Variants in ITCH observed in about 807,000 individuals in gnomAD.
ITCH encodes the protein itchy E3 ubiquitin protein ligase, also known as E3 ubiquitin-protein ligase Itchy homolog.
In ITCH, 28 loss-of-function variants were observed where a neutral mutation model predicts 126.8. The observed-to-expected ratio is 0.22, with a 90% CI of 0.16 to 0.30. ITCH has a LOEUF of 0.30. Ranked by LOEUF, ITCH falls within the 10% of genes least tolerant of loss-of-function variation. The pLI is 1.00. For synonymous variants in ITCH, 342 were observed against 340.0 expected, an observed-to-expected ratio of 1.01 and a Z score of -0.06; for missense variants, 631 against 1,032.4, an observed-to-expected ratio of 0.61 and a Z score of 5.33.
intron 10 of ITCH, among the ~76,000 whole-genome samples, chr20:34,444,729 C>T (rs958308296): frequency 2.0e-5 from 3 of 152,208 alleles, no homozygotes; most frequent in African/African-American, 7.2e-5. Context: ...GCAGCCCCCA[C>T]CTCATAGGTT....
At chr20:34,388,238 T>C (rs1191775559) in intron 2 of ITCH, among the ~76,000 whole-genome samples, 1 of 152,040 alleles carries the variant, frequency 6.6e-6, no homozygotes. Flanking sequence ...GCTGGGACTA[T>C]AGGCATGCAC....
chr20:34,489,195 T>G, intron 20 of ITCH, 71 bp from the exon 21 acceptor site: 1 of 1,344,952 alleles, frequency 7.4e-7, no homozygotes, highest in Non-Finnish European at 1.0e-6. Flanking sequence ...TTTTTAAAAT[T>G]TATTTTTATA....
chr20:34,480,988 A>T, intron 19 of ITCH, 78 bp from the exon 20 acceptor site: 1 of 1,385,376 alleles, frequency 7.2e-7, no homozygotes, highest in African/African-American at 1.4e-5. Context: ...ATTTAAGAAC[A>T]TGGGCCTTTC....
intron 23 of ITCH, among the ~76,000 whole-genome samples, chr20:34,494,314 G>C (rs546188310): frequency 3.3e-5 from 5 of 152,306 alleles, no homozygotes; most frequent in Admixed American, 3.3e-4. Flanking sequence ...ATAGTATACT[G>C]TCTGAGAAGC....
At chr20:34,490,567 T>C (rs980210591) in intron 22 of ITCH, among the ~76,000 whole-genome samples, 4 of 152,148 alleles carry the variant, frequency 2.6e-5, no homozygotes, top group African/African-American at 9.7e-5. Flanking sequence ...CACTTGAACC[T>C]GGAAGGCAGA....
At chr20:34,437,680 T>G (rs1279227727) in intron 7 of ITCH, among the ~76,000 whole-genome samples, 2 of 152,188 alleles carry the variant, frequency 1.3e-5, no homozygotes, top group African/African-American at 4.8e-5. Context: ...GGGTTAGTAC[T>G]GTGTAGTGGT....
intron 3 of ITCH, among the ~76,000 whole-genome samples, chr20:34,407,648 A>G (rs1298678885): frequency 3.3e-5 from 5 of 152,098 alleles, no homozygotes; most frequent in East Asian, 1.9e-4. Context: ...TGTGCTTGCT[A>G]TACTTTCCCT....
intron 22 of ITCH, among the ~76,000 whole-genome samples, 165 bp downstream of exon 22, chr20:34,490,091 A>C (rs1383252694): frequency 2.0e-5 from 3 of 152,222 alleles, no homozygotes; most frequent in African/African-American, 4.8e-5. Context: ...TCCTTTTAAG[A>C]CTATTGCCAA....
chr20:34,452,256 G>T lies in ITCH; in HGVS notation c.1210+2776G>T, dbSNP rs961515077. Among the ~76,000 whole-genome samples, 4 of 152,050 alleles carry T rather than the reference G, an allele frequency of 2.6e-5. No individual in the cohort carries two copies. In the East Asian group the frequency reaches 7.7e-4, roughly 29 times the overall value. The stretch of plus-strand genomic sequence containing the variant: ...AAGTCTTTCCTGCAAGTTGGTCCTT[G>T]CCTTCTGTATTCATCATTTTCTTTA... On this transcript the variant is annotated intron_variant, in intron 12 of 24. Transcript: ENST00000374864.
rs928648344 is a variant in ITCH at position 34,477,645 on chromosome 20, C to G, written c.1570-127C>G. The stretch of plus-strand genomic sequence containing the variant: ...TTCTGTATGTGTGGTTTTGACTAGA[C>G]CATGAACACCTTTCTGTGTCATGGG... On this transcript the variant is annotated intron_variant, in intron 16 of 24. Coordinates refer to ENST00000374864, the MANE Select transcript of ITCH (RefSeq NM_031483.7). 3.9e-6 allele frequency: 3 copies of G among 770,802 alleles called. No homozygotes were observed. In the African/African-American group the frequency reaches 5.2e-5, roughly 13 times the overall value. The allele number at this position is 770,802 out of a possible 1,614,324, so 47.7% of individuals were successfully genotyped here. A position where few individuals can be genotyped will look rare whatever the true frequency, so the allele number is the denominator to read the frequency against.
chr20:34,374,474 A>G (rs1183807502), intron 2 of ITCH, among the ~76,000 whole-genome samples: 1 of 152,184 alleles, frequency 6.6e-6, no homozygotes, highest in Admixed American at 6.6e-5. Context: ...CTGCTTGAAC[A>G]AGACTTGGCT....
chr20:34,413,648 G>A lies in ITCH; in HGVS notation c.338-94G>A, dbSNP rs568867785. The A allele has an allele frequency of 1.9e-3, 2,193 of 1,147,122 alleles. 55 individuals are homozygous for A. The South Asian group carries it at 0.032, about 17-fold the overall frequency. 71.1% of individuals were successfully genotyped at this position (1,147,122 alleles called of 1,614,324 possible). Reference sequence around the variant, plus strand: ...TATGCACATATAGTTATATTTTCTCGGACATCACATTTTTAACAGTTAATT... The same window carrying A: ...TATGCACATATAGTTATATTTTCTCAGACATCACATTTTTAACAGTTAATT... On this transcript the variant is annotated intron_variant, in intron 5 of 24. Coordinates refer to ENST00000374864, the MANE Select transcript of ITCH (RefSeq NM_031483.7).
intron 3 of ITCH, among the ~76,000 whole-genome samples, chr20:34,399,998 G>T (rs1408800216): frequency 6.6e-6 from 1 of 151,870 alleles, no homozygotes; most frequent in Non-Finnish European, 1.5e-5. Context: ...GAGTGTGGTG[G>T]CGTGATCTTG....
chr20:34,440,266 T>C lies in ITCH; in HGVS notation c.791T>C (p.Leu264Ser), dbSNP rs1432762671. The C allele has an allele frequency of 1.2e-6, 2 of 1,614,076 alleles. No homozygotes were observed. Among genetic ancestry groups the C allele is most frequent in the South Asian group, 2.2e-5 (2 of 91,082 alleles). The change falls in exon 9 of 25, where the codon TTA (leucine) becomes TCA (serine). Residue 264 changes from leucine to serine, a missense_variant. Coordinates refer to ENST00000374864, the MANE Select transcript of ITCH (RefSeq NM_031483.7). ...ACATCTGAAGGAGCAACATCTGGATTAATAATTCCTCTTACTATATCTGGA... is the reference window on the plus strand; with the variant it reads ...ACATCTGAAGGAGCAACATCTGGATCAATAATTCCTCTTACTATATCTGGA... ...TNTSEGATSG[L>S]IIPLTISGGS...
chr20:34,493,967 G>A (rs547873033), intron 23 of ITCH, among the ~76,000 whole-genome samples: 7 of 152,300 alleles, frequency 4.6e-5, no homozygotes, highest in Admixed American at 4.6e-4. Flanking sequence ...ACAGCCTCAC[G>A]CCTATAATTC....
chr20:34,391,637 A>G (rs993872636), intron 2 of ITCH, among the ~76,000 whole-genome samples: 2 of 152,164 alleles, frequency 1.3e-5, no homozygotes, highest in African/African-American at 2.4e-5. Context: ...CTTTTCAAGA[A>G]TTTAAAATGC....
chr20:34,433,699 G>A (rs1020507833), intron 7 of ITCH, among the ~76,000 whole-genome samples: 3 of 149,440 alleles, frequency 2.0e-5, no homozygotes, highest in Non-Finnish European at 3.0e-5. Flanking sequence ...AAAAGAAAGC[G>A]ATTAAATTGT....
chr20:34,485,535 G>A (rs1294855947), intron 20 of ITCH, among the ~76,000 whole-genome samples: 1 of 152,182 alleles, frequency 6.6e-6, no homozygotes. Flanking sequence ...CTTTTGTGAT[G>A]TGTGTATCCA....
At chr20:34,505,559 C>CTTT (rs35469496) in intron 24 of ITCH, among the ~76,000 whole-genome samples, 1 of 147,564 alleles carries the variant, frequency 6.8e-6, no homozygotes, top group South Asian at 2.1e-4. Flanking sequence ...AAATATATAA[C>CTTT]TTTTTTTTTT....
Sources: allele counts gnomAD v4.1 joint callset (sites outside exome capture counted in the v4.1 genomes callset), GRCh38; gene constraint gnomAD v4.1.1; transcripts MANE v1.5; gene names NCBI Gene and HGNC (gene_info 2026-07-23, HGNC 2026-07-21).